The following OPCML variants were observed in gnomAD, a reference collection of about 807,000 sequenced individuals.
The protein encoded by OPCML is opioid binding protein/cell adhesion molecule like.
In OPCML, 13 loss-of-function variants were observed where a neutral mutation model predicts 37.8. The ratio of observed to expected loss-of-function variants is 0.34; its 90% CI spans 0.22 to 0.55. The LOEUF (loss-of-function observed/expected upper bound fraction) is 0.55, where lower values mean the gene tolerates loss of function less well. OPCML is among the 20% of genes least tolerant of loss of function. The probability of loss-of-function intolerance (pLI) is 0.91; values close to 1 mark genes in which losing one functional copy is unlikely to be tolerated. For missense variants in OPCML, 341 were observed against 435.6 expected (o/e 0.78, Z 1.93); for synonymous variants, 176 against 168.8 (o/e 1.04, Z -0.33).
At chr11:132,937,039 G>T (rs549748196) in intron 2 of OPCML, among the ~76,000 whole-genome samples, 1 of 152,218 alleles carries the variant, frequency 6.6e-6, no homozygotes, top group Admixed American at 6.5e-5. Context: ...AGATATCTTG[G>T]ACTGTAATTC....
At chr11:133,259,221 T>C (rs1262943511) in intron 1 of OPCML, among the ~76,000 whole-genome samples, 1 of 152,340 alleles carries the variant, frequency 6.6e-6, no homozygotes, top group East Asian at 1.9e-4. Context: ...TTTTTATAAA[T>C]AAACATTTTC....
chr11:132,636,736 G>A (rs1940524198), intron 3 of OPCML, among the ~76,000 whole-genome samples: 1 of 152,154 alleles, frequency 6.6e-6, no homozygotes, highest in African/African-American at 2.4e-5. Context: ...ATTTTAATGT[G>A]TAAAAACCCT....
intron 1 of OPCML, among the ~76,000 whole-genome samples, chr11:133,216,003 G>A (rs111692391): frequency 6.6e-6 from 1 of 152,136 alleles, no homozygotes; most frequent in Non-Finnish European, 1.5e-5. Context: ...GAGGGGGTGG[G>A]AGGCAGGTGG....
intron 1 of OPCML, among the ~76,000 whole-genome samples, chr11:133,048,117 T>C (rs914675067): frequency 1.3e-5 from 2 of 152,156 alleles, no homozygotes; most frequent in African/African-American, 4.8e-5. Context: ...AATGTCCTGC[T>C]GATTCCCTAT....
intron 1 of OPCML, among the ~76,000 whole-genome samples, chr11:133,379,972 T>C (rs1377422471): frequency 6.6e-6 from 1 of 152,190 alleles, no homozygotes; most frequent in Non-Finnish European, 1.5e-5. Context: ...TTTGGTAGCA[T>C]GAATTTTAAG....
At chr11:132,520,674 A>ATATGTGTGTGTGTGTG (rs10630619) in intron 4 of OPCML, among the ~76,000 whole-genome samples, 1 of 128,020 alleles carries the variant, frequency 7.8e-6, no homozygotes, top group East Asian at 2.3e-4. Context: ...CTAAATATAT[A>ATATGTGTGTGTGTGTG]TGTGTGTGTG....
chr11:133,003,947 C>T (rs1195501665), intron 1 of OPCML: 4 of 985,334 alleles, frequency 4.1e-6, no homozygotes, highest in South Asian at 4.7e-5. Flanking sequence ...CAGCACCCGG[C>T]ACACTGTCCC....
At chr11:132,857,331 T>G (rs887903735) in intron 2 of OPCML, among the ~76,000 whole-genome samples, 1 of 152,226 alleles carries the variant, frequency 6.6e-6, no homozygotes, top group African/African-American at 2.4e-5. Flanking sequence ...CTTTTTATTT[T>G]GAAGTATTTA....
rs1437303205 is a variant in OPCML, at chr11:133,427,436, A to C, written c.61+104828T>G. On this transcript the variant is annotated intron_variant, in intron 1 of 7. Coordinates refer to ENST00000524381, the MANE Select transcript of OPCML (RefSeq NM_001012393.5). ...GGCCGGGGGTGGGGGGGCGGGGTTC[A>C]AAAAAACAAAAATGAAGACAAAACT... Among the ~76,000 whole-genome samples the C allele has an allele frequency of 9.9e-5, 15 of 151,924 alleles. No homozygotes were observed. In the East Asian group the frequency reaches 2.9e-3, roughly 29 times the overall value.
rs144888166 is a variant in OPCML at position 132,538,204 on chromosome 11, A to G, written c.380-9018T>C. The stretch of plus-strand genomic sequence containing the variant: ...ATGGATAAACAAAATGTGATACACC[A>G]ATACAATGGAATATTATATAAGCAT... On this transcript the variant is annotated intron_variant, in intron 3 of 7. Coordinates refer to ENST00000524381, the MANE Select transcript of OPCML (RefSeq NM_001012393.5). 2.3e-3 allele frequency among the ~76,000 whole-genome samples: 351 copies of G among 152,358 alleles called. 3 individuals carry two copies. The highest frequency in any genetic ancestry group is 7.9e-3 in the African/African-American group (330 of 41,594).
chr11:132,706,308 A>T (rs1270672518), intron 2 of OPCML, among the ~76,000 whole-genome samples: 2 of 152,140 alleles, frequency 1.3e-5, no homozygotes, highest in Non-Finnish European at 2.9e-5. Context: ...ACAAGGACTC[A>T]GATCATTTCT....
chr11:133,082,987 A>G (rs2137036048), intron 1 of OPCML, among the ~76,000 whole-genome samples: 2 of 151,158 alleles, frequency 1.3e-5, no homozygotes, highest in South Asian at 4.2e-4. Context: ...CGGCCGCCAG[A>G]GGGCGCCCGT....
intron 1 of OPCML, among the ~76,000 whole-genome samples, chr11:133,510,353 G>A (rs1398021607): frequency 6.6e-6 from 1 of 152,220 alleles, no homozygotes; most frequent in Non-Finnish European, 1.5e-5. Context: ...GCTCATTTCT[G>A]TACCTGATTC....
intron 1 of OPCML, among the ~76,000 whole-genome samples, chr11:133,148,475 T>C (rs7942819): frequency 0.032 from 4,946 of 152,324 alleles, 244 homozygotes; most frequent in African/African-American, 0.11. Flanking sequence ...GAAGTATCGC[T>C]GGCTGTTGGT....
At chr11:132,785,344 G>A (rs1947172926) in intron 2 of OPCML, among the ~76,000 whole-genome samples, 1 of 152,160 alleles carries the variant, frequency 6.6e-6, no homozygotes, top group Admixed American at 6.5e-5. Flanking sequence ...AATCTCACCA[G>A]CTAGTAAGCA....
At chr11:132,789,074 A>G (rs530198570) in intron 2 of OPCML, among the ~76,000 whole-genome samples, 1 of 152,184 alleles carries the variant, frequency 6.6e-6, no homozygotes, top group African/African-American at 2.4e-5. Flanking sequence ...TGTCCTTCAG[A>G]GCCTTTGAAC....
intron 4 of OPCML, among the ~76,000 whole-genome samples, chr11:132,474,681 C>T (rs1031115290): frequency 1.5e-4 from 23 of 152,120 alleles, no homozygotes; most frequent in Non-Finnish European, 2.8e-4. Context: ...TGTTGCTATC[C>T]ATCATTCATA....
chr11:133,339,036 A>G (rs1943804733), intron 1 of OPCML, among the ~76,000 whole-genome samples: 1 of 152,104 alleles, frequency 6.6e-6, no homozygotes, highest in Non-Finnish European at 1.5e-5. Context: ...GGTGAGACCC[A>G]CCTGTCACAC....
In OPCML at chr11:132,415,201, A is replaced by G. The variant is rs2095934495; in HGVS notation, c.*4992T>C. 1 of 152,650 alleles carries G rather than the reference A, an allele frequency of 6.6e-6. No individual in the cohort carries two copies. The highest frequency in any genetic ancestry group is 6.5e-5 in the Admixed American group (1 of 15,280). 9.5% of individuals were successfully genotyped at this position (152,650 alleles called of 1,614,324 possible). On this transcript the variant is annotated 3_prime_UTR_variant, in exon 8 of 8. Transcript: ENST00000524381. Reference sequence around the variant, plus strand: ...AAAAAAGAACTCTAGAAGGCTGACAAAGTCATACTCTTGTATCGTGTGATA... The same window carrying G: ...AAAAAAGAACTCTAGAAGGCTGACAGAGTCATACTCTTGTATCGTGTGATA...
Sources: allele counts gnomAD v4.1 joint callset (sites outside exome capture counted in the v4.1 genomes callset), GRCh38; gene constraint gnomAD v4.1.1; transcripts MANE v1.5; gene names NCBI Gene and HGNC (gene_info 2026-07-23, HGNC 2026-07-21).